DLG2: variants seen among roughly 807,000 people sequenced by gnomAD.
DLG2 encodes the protein disks large homolog 2.
A neutral mutation model predicts 132.5 loss-of-function variants in DLG2; 45 were observed. The ratio of observed to expected loss-of-function variants is 0.34; its 90% CI spans 0.27 to 0.44. The LOEUF (loss-of-function observed/expected upper bound fraction) is 0.44, where lower values mean the gene tolerates loss of function less well. Ranked by LOEUF, DLG2 falls within the 20% of genes least tolerant of loss-of-function variation. The pLI is 1.00. For missense variants in DLG2, 1,045 were observed against 1,196.9 expected (o/e 0.87, Z 1.87); for synonymous variants, 424 against 419.6 (o/e 1.01, Z -0.13).
chr11:83,907,644 C>T (rs1365675331), intron 15 of DLG2, among the ~76,000 whole-genome samples: 1 of 152,006 alleles, frequency 6.6e-6, no homozygotes, highest in Admixed American at 6.6e-5. Context: ...CCAGTGCTGG[C>T]CCATCAACAT....
At chr11:85,240,180 T>A (rs542582945) in intron 4 of DLG2, among the ~76,000 whole-genome samples, 1 of 152,030 alleles carries the variant, frequency 6.6e-6, no homozygotes, top group African/African-American at 2.4e-5. Flanking sequence ...TATTGGCTAC[T>A]TATGTTTCCT....
chr11:84,299,100 A>C (rs975990147), intron 7 of DLG2, among the ~76,000 whole-genome samples: 1 of 152,202 alleles, frequency 6.6e-6, no homozygotes, highest in African/African-American at 2.4e-5. Context: ...ATAAGCCCCC[A>C]AGAGCTTTGA....
At chr11:83,736,847 A>G (rs1017310167) in intron 18 of DLG2, among the ~76,000 whole-genome samples, 14 of 152,198 alleles carry the variant, frequency 9.2e-5, no homozygotes, top group Non-Finnish European at 1.3e-4. Context: ...AGTGATTCCA[A>G]TGAAACCTGA....
intron 3 of DLG2, among the ~76,000 whole-genome samples, chr11:85,324,148 C>A (rs944470741): frequency 6.6e-6 from 1 of 152,152 alleles, no homozygotes; most frequent in Non-Finnish European, 1.5e-5. Flanking sequence ...ATTTAAGTCA[C>A]CAGACATGGC....
At chr11:85,584,899 T>A (rs544725976) in intron 3 of DLG2, among the ~76,000 whole-genome samples, 1 of 152,244 alleles carries the variant, frequency 6.6e-6, no homozygotes, top group African/African-American at 2.4e-5. Context: ...TTTTGGATAT[T>A]AGTCCTTTGT....
intron 6 of DLG2, among the ~76,000 whole-genome samples, chr11:85,045,262 T>A (rs1355155907): frequency 6.6e-6 from 1 of 152,010 alleles, no homozygotes; most frequent in Non-Finnish European, 1.5e-5. Flanking sequence ...AGCAGACCGA[T>A]TTGGCTTTCA....
At chr11:85,449,836 C>T (rs558232304) in intron 3 of DLG2, among the ~76,000 whole-genome samples, 7 of 148,944 alleles carry the variant, frequency 4.7e-5, no homozygotes, top group Admixed American at 1.3e-4. Context: ...ACAAAAATGA[C>T]GTAAATTTTG....
chr11:85,195,231 G>C (rs1052886554), intron 4 of DLG2, among the ~76,000 whole-genome samples: 2 of 152,096 alleles, frequency 1.3e-5, no homozygotes, highest in Non-Finnish European at 2.9e-5. Flanking sequence ...GGAGGCAAAG[G>C]GGAAGAGGAC....
chr11:84,935,912 G>A (rs2048691688), intron 6 of DLG2, among the ~76,000 whole-genome samples: 1 of 152,060 alleles, frequency 6.6e-6, no homozygotes, highest in South Asian at 2.1e-4. Flanking sequence ...TATAGGTCAG[G>A]TCTACCTCCT....
intron 4 of DLG2, among the ~76,000 whole-genome samples, chr11:85,229,649 C>T (rs1326034915): frequency 6.6e-6 from 1 of 152,066 alleles, no homozygotes; most frequent in African/African-American, 2.4e-5. Flanking sequence ...GGTATACACC[C>T]AAAGGCTTAT....
chr11:84,777,281 G>GTGTATATATATATATA (rs1218190517), intron 6 of DLG2, among the ~76,000 whole-genome samples: 3 of 95,010 alleles, frequency 3.2e-5, no homozygotes, highest in African/African-American at 4.1e-5. Flanking sequence ...ATGTGTGTGT[G>GTGTATATATATATATA]TATATATATA....
At chr11:85,020,323 T>C (rs2059936015) in intron 6 of DLG2, among the ~76,000 whole-genome samples, 1 of 152,202 alleles carries the variant, frequency 6.6e-6, no homozygotes, top group Non-Finnish European at 1.5e-5. Flanking sequence ...TGATTTTTTC[T>C]TGTAAATTTG....
chr11:84,688,790 A>G (rs75608699), intron 6 of DLG2, among the ~76,000 whole-genome samples: 2,265 of 152,256 alleles, frequency 0.015, 60 homozygotes, highest in African/African-American at 0.051. Flanking sequence ...CTGTGTCTGT[A>G]CATCTCTACA....
At chr11:85,546,093 T>C (rs551643098) in intron 3 of DLG2, among the ~76,000 whole-genome samples, 1 of 152,282 alleles carries the variant, frequency 6.6e-6, no homozygotes, top group Admixed American at 6.5e-5. Context: ...AGGGTGTTGA[T>C]TTTAGATCTC....
chr11:83,974,507 G>T (rs1190129161), intron 12 of DLG2, among the ~76,000 whole-genome samples: 1 of 151,992 alleles, frequency 6.6e-6, no homozygotes, highest in South Asian at 2.1e-4. Flanking sequence ...TGATAAAACA[G>T]ATTTGTTAAT....
chr11:84,364,216 G>C (rs540426952), intron 7 of DLG2, among the ~76,000 whole-genome samples: 1 of 151,808 alleles, frequency 6.6e-6, no homozygotes, highest in Non-Finnish European at 1.5e-5. Context: ...TCCTTGAAGA[G>C]GTCCTTCACA....
rs751815777 is a variant in DLG2 at position 84,664,232 on chromosome 11, G to A, written c.358-129501C>T. Among the ~76,000 whole-genome samples the A allele has an allele frequency of 2.2e-4, 34 of 152,024 alleles. 1 individual carries two copies. The highest frequency in any genetic ancestry group is 5.5e-4 in the African/African-American group (23 of 41,478). On this transcript the variant is annotated intron_variant, in intron 6 of 27. Transcript: ENST00000376104. ...TGTGAATGACATTTGTGTACATATCGTTCCCTTTTTAAAAAGTTTCAAATT... is the reference window on the plus strand; with the variant it reads ...TGTGAATGACATTTGTGTACATATCATTCCCTTTTTAAAAAGTTTCAAATT...
chr11:85,574,220 A>G (rs768822479), intron 3 of DLG2, among the ~76,000 whole-genome samples: 1 of 152,042 alleles, frequency 6.6e-6, no homozygotes, highest in Non-Finnish European at 1.5e-5. Flanking sequence ...TCTCCTTCAA[A>G]TATCATGGTT....
At chr11:84,973,101 G>T (rs1227618079) in intron 6 of DLG2, among the ~76,000 whole-genome samples, 2 of 151,950 alleles carry the variant, frequency 1.3e-5, no homozygotes, top group African/African-American at 4.8e-5. Flanking sequence ...GGGATTACAG[G>T]TGCATCCCAC....
Sources: gnomAD v4.1 joint callset for allele counts (sites outside exome capture counted in the v4.1 genomes callset) on GRCh38, gnomAD v4.1.1 for gene constraint, MANE v1.5 for transcripts, NCBI Gene and HGNC (gene_info 2026-07-23, HGNC 2026-07-21) for gene names.